CNTN4: variants seen among roughly 807,000 people sequenced by gnomAD.
The protein encoded by CNTN4 is contactin 4.
Under a neutral mutation model 122.5 loss-of-function variants are expected in CNTN4, and 77 were observed. That is an observed-to-expected ratio of 0.63 (90% confidence interval 0.52 to 0.76). The LOEUF (loss-of-function observed/expected upper bound fraction) is 0.76, where lower values mean the gene tolerates loss of function less well. Ranked by LOEUF, CNTN4 falls within the 30% of genes least tolerant of loss-of-function variation. The pLI, the probability that CNTN4 is intolerant of heterozygous loss-of-function variation, is 0.00. For synonymous variants in CNTN4, 512 were observed against 447.0 expected (o/e 1.15, Z -1.83); for missense variants, 1,256 against 1,259.1 (o/e 1.00, Z 0.04).
At chr3:2,274,110 C>T (rs1319376808) in intron 2 of CNTN4, among the ~76,000 whole-genome samples, 4 of 152,058 alleles carry the variant, frequency 2.6e-5, no homozygotes, top group Non-Finnish European at 5.9e-5. Flanking sequence ...AGGCTGGATA[C>T]CGTGGCTCAC....
intron 2 of CNTN4, among the ~76,000 whole-genome samples, chr3:2,107,548 C>T (rs1317973148): frequency 6.6e-6 from 1 of 152,088 alleles, no homozygotes; most frequent in Non-Finnish European, 1.5e-5. Context: ...CCAGTCACCT[C>T]CCAATCACCA....
rs142762155 is a variant in CNTN4, at chr3:2,803,454, A to G, written c.359-16032A>G. Among the ~76,000 whole-genome samples, 969 of 152,320 alleles carry G rather than the reference A, an allele frequency of 6.4e-3. 10 individuals are homozygous for G. The highest frequency in any genetic ancestry group is 0.023 in the African/African-American group (952 of 41,578). ...AAACTCTTGAAAATATGTGTAAGAC[A>G]CAGGCTTTTTATATCAGTTTAGTTT... On this transcript the variant is annotated intron_variant, in intron 6 of 24. Transcript: ENST00000418658.
intron 6 of CNTN4, among the ~76,000 whole-genome samples, chr3:2,808,971 C>T (rs1423024749): frequency 1.3e-5 from 2 of 152,232 alleles, no homozygotes; most frequent in African/African-American, 2.4e-5. Flanking sequence ...GCCTGTGAAA[C>T]AGGAAGAACA....
intron 4 of CNTN4, among the ~76,000 whole-genome samples, chr3:2,670,219 G>T (rs967940091): frequency 2.0e-5 from 3 of 152,158 alleles, no homozygotes; most frequent in African/African-American, 7.2e-5. Flanking sequence ...ATTATTGTGT[G>T]GGAGTCTAAG....
intron 4 of CNTN4, among the ~76,000 whole-genome samples, chr3:2,638,598 C>T (rs963521231): frequency 1.3e-5 from 2 of 151,946 alleles, no homozygotes; most frequent in South Asian, 2.1e-4. Flanking sequence ...CTATTCACAA[C>T]TCAAAAACTG....
chr3:2,355,400 G>A (rs2044826093), intron 3 of CNTN4, among the ~76,000 whole-genome samples: 2 of 152,146 alleles, frequency 1.3e-5, no homozygotes, highest in Admixed American at 6.6e-5. Context: ...AATCTCAGTT[G>A]TCAGAAACAG....
chr3:2,692,859 T>A (rs958523996), intron 4 of CNTN4, among the ~76,000 whole-genome samples: 6 of 152,268 alleles, frequency 3.9e-5, no homozygotes, highest in Non-Finnish European at 5.9e-5. Flanking sequence ...TTAGAGTAAC[T>A]TTTTAAAAAT....
chr3:2,218,145 C>G (rs1183995223), intron 2 of CNTN4, among the ~76,000 whole-genome samples: 1 of 151,946 alleles, frequency 6.6e-6, no homozygotes, highest in African/African-American at 2.4e-5. Flanking sequence ...GTTTTATTGC[C>G]TAAATTTAGG....
At chr3:2,988,057 C>A (rs1482960671) in intron 13 of CNTN4, among the ~76,000 whole-genome samples, 1 of 152,114 alleles carries the variant, frequency 6.6e-6, no homozygotes, top group Non-Finnish European at 1.5e-5. Flanking sequence ...GTTAGAGCTA[C>A]CAAAGAGAAA....
At chr3:2,508,350 A>T (rs1176560573) in intron 3 of CNTN4, among the ~76,000 whole-genome samples, 2 of 152,206 alleles carry the variant, frequency 1.3e-5, no homozygotes, top group Non-Finnish European at 2.9e-5. Flanking sequence ...TTAGTGAGAG[A>T]TGCAAGGAAT....
At chr3:2,897,133 T>C (rs966560565) in intron 10 of CNTN4, among the ~76,000 whole-genome samples, 1 of 152,170 alleles carries the variant, frequency 6.6e-6, no homozygotes, top group African/African-American at 2.4e-5. Flanking sequence ...ATAAGATGCT[T>C]GTACAATTCC....
At chr3:2,496,758 T>A (rs2076463760) in intron 3 of CNTN4, among the ~76,000 whole-genome samples, 1 of 152,170 alleles carries the variant, frequency 6.6e-6, no homozygotes, top group Non-Finnish European at 1.5e-5. Flanking sequence ...TGGAAATATG[T>A]GATATGGGTA....
At chr3:2,147,727 A>G (rs2035312125) in intron 2 of CNTN4, among the ~76,000 whole-genome samples, 1 of 152,168 alleles carries the variant, frequency 6.6e-6, no homozygotes, top group Non-Finnish European at 1.5e-5. Context: ...CCTTTATGAC[A>G]CAATTCTAGT....
At chr3:2,677,314 A>G (rs918874077) in intron 4 of CNTN4, among the ~76,000 whole-genome samples, 2 of 145,168 alleles carry the variant, frequency 1.4e-5, no homozygotes, top group Non-Finnish European at 3.0e-5. Flanking sequence ...ACAGCTGAAG[A>G]TGTAACCCAT....
At position 2,746,086 on chromosome 3, in the gene CNTN4, TACAC is replaced by T. The variant is rs57086556; in HGVS notation, c.358+411_358+414del. Among the ~76,000 whole-genome samples, 63 of 46,224 alleles carry T rather than the reference TACAC, an allele frequency of 1.4e-3. 1 individual carries two copies. Among genetic ancestry groups the T allele is most frequent in the Non-Finnish European group, 1.7e-3 (23 of 13,408 alleles). The allele number at this position is 46,224 out of a possible 152,430, so 30.3% of individuals were successfully genotyped here. ...TATAAGCAAGCAATTGAACAAATTT[TACAC>T]ACACACACACACACACACACATTTT... On this transcript the variant is annotated intron_variant, in intron 6 of 24. Transcript: ENST00000418658.
intron 4 of CNTN4, among the ~76,000 whole-genome samples, chr3:2,656,963 TACA>T (rs1184741857): frequency 6.6e-6 from 1 of 152,194 alleles, no homozygotes; most frequent in African/African-American, 2.4e-5. Flanking sequence ...GAAAAACCTA[TACA>T]TAATGAAAAA....
chr3:2,115,650 G>C (rs2033298238), intron 2 of CNTN4, among the ~76,000 whole-genome samples: 2 of 152,222 alleles, frequency 1.3e-5, no homozygotes, highest in Admixed American at 1.3e-4. Flanking sequence ...AAGGTACCTT[G>C]TAAACTTGGG....
At chr3:2,891,346 C>T (rs2094038025) in intron 10 of CNTN4, among the ~76,000 whole-genome samples, 1 of 152,016 alleles carries the variant, frequency 6.6e-6, no homozygotes, top group South Asian at 2.1e-4. Context: ...ACACGGGAGG[C>T]TGAGGCAGGA....
In CNTN4 at chr3:2,376,806, G is replaced by T. The variant is rs573702721; in HGVS notation, c.-89+37573G>T. On this transcript the variant is annotated intron_variant, in intron 3 of 24. Coordinates refer to ENST00000418658, the MANE Select transcript of CNTN4 (RefSeq NM_175607.3). The stretch of plus-strand genomic sequence containing the variant: ...CTGACCATGCACTGACTCATTATCT[G>T]TCAATGCTCAGTTCTTATACAGTGT... Among the ~76,000 whole-genome samples the T allele has an allele frequency of 7.2e-5, 11 of 151,848 alleles. No individual in the cohort carries two copies. The South Asian group carries it at 2.3e-3, about 32-fold the overall frequency.
Sources: gnomAD v4.1 joint callset for allele counts (sites outside exome capture counted in the v4.1 genomes callset) on GRCh38, gnomAD v4.1.1 for gene constraint, MANE v1.5 for transcripts, NCBI Gene and HGNC (gene_info 2026-07-23, HGNC 2026-07-21) for gene names.